The following ADGRL2 variants were observed in gnomAD, a reference collection of about 807,000 sequenced individuals.
The protein encoded by ADGRL2 is adhesion G protein-coupled receptor L2, also known as calcium-independent alpha-latrotoxin receptor 2.
In ADGRL2, 44 loss-of-function variants were observed where a neutral mutation model predicts 157.4. That is an observed-to-expected ratio of 0.28 (90% CI 0.22 to 0.36). The LOEUF (loss-of-function observed/expected upper bound fraction) is 0.36, where lower values mean the gene tolerates loss of function less well. Among genes scored for constraint, ADGRL2 ranks in the 10% least tolerant of loss-of-function variants. The pLI, the probability that ADGRL2 is intolerant of heterozygous loss-of-function variation, is 1.00. For missense variants in ADGRL2, 1,510 were observed against 1,768.9 expected (o/e 0.85, Z 2.63); for synonymous variants, 585 against 624.7 (o/e 0.94, Z 0.95).
At chr1:81,755,024 T>G (rs1471820151) in intron 1 of ADGRL2, among the ~76,000 whole-genome samples, 1 of 151,606 alleles carries the variant, frequency 6.6e-6, no homozygotes, top group African/African-American at 2.4e-5. Flanking sequence ...ATTTGTGACT[T>G]CTTAGAACAC....
chr1:81,597,751 A>G (rs565431485), intron 3 of ADGRL2, among the ~76,000 whole-genome samples: 6 of 152,240 alleles, frequency 3.9e-5, no homozygotes, highest in Admixed American at 2.6e-4. Flanking sequence ...CCCCCAATAA[A>G]CCCATCAAAA....
chr1:81,848,272 C>T (rs1410672954), intron 2 of ADGRL2, among the ~76,000 whole-genome samples: 1 of 151,826 alleles, frequency 6.6e-6, no homozygotes, highest in African/African-American at 2.4e-5. Flanking sequence ...AAAATAGAGA[C>T]TCCTATATAG....
intron 2 of ADGRL2, among the ~76,000 whole-genome samples, chr1:81,555,942 A>G (rs543693198): frequency 4.6e-4 from 70 of 152,178 alleles, no homozygotes; most frequent in Non-Finnish European, 9.3e-4. Context: ...AAACTGATTC[A>G]TTACTGCAGA....
intron 3 of ADGRL2, among the ~76,000 whole-genome samples, chr1:81,640,860 A>T (rs1049478329): frequency 6.6e-6 from 1 of 152,160 alleles, no homozygotes; most frequent in Non-Finnish European, 1.5e-5. Context: ...TCTCCAATTG[A>T]CATGAAAATA....
intron 2 of ADGRL2, among the ~76,000 whole-genome samples, chr1:81,572,204 T>C (rs1243404215): frequency 6.6e-6 from 1 of 152,246 alleles, no homozygotes. Context: ...TTCTCACTTT[T>C]ACTGCAGTTG....
intron 2 of ADGRL2, among the ~76,000 whole-genome samples, chr1:81,784,950 A>G (rs2086970407): frequency 6.6e-6 from 1 of 152,296 alleles, no homozygotes; most frequent in Non-Finnish European, 1.5e-5. Context: ...AAGGGAGAGA[A>G]GACAAAATTT....
At chr1:81,393,596 G>A (rs1443311281) in intron 1 of ADGRL2, among the ~76,000 whole-genome samples, 1 of 152,054 alleles carries the variant, frequency 6.6e-6, no homozygotes, top group African/African-American at 2.4e-5. Flanking sequence ...TAATTTAGCA[G>A]CAGGGAAGGA....
chr1:81,919,659 C>T (rs1328139828), intron 3 of ADGRL2, among the ~76,000 whole-genome samples: 6 of 151,586 alleles, frequency 4.0e-5, no homozygotes, highest in Non-Finnish European at 8.8e-5. Context: ...TTTTTTCATA[C>T]ATTTGATTAT....
At chr1:81,724,308 T>C (rs1380431210) in intron 1 of ADGRL2, among the ~76,000 whole-genome samples, 1 of 152,196 alleles carries the variant, frequency 6.6e-6, no homozygotes, top group Non-Finnish European at 1.5e-5. Flanking sequence ...AGAAAATACC[T>C]ATTGGAATTA....
rs568077421 is a variant in ADGRL2, at chr1:81,815,186, G to A, written c.-101+14118G>A. 9.0e-4 allele frequency among the ~76,000 whole-genome samples: 137 copies of A among 151,812 alleles called. 1 individual carries two copies. The highest frequency in any genetic ancestry group is 6.8e-3 in the Middle Eastern group (2 of 292). ...TTTAGAAAATTTATTAATTTTTAGT[G>A]CTCTTTAAATCAGATTGTTGGTTTA... On this transcript the variant is annotated intron_variant, in intron 1 of 23. Coordinates refer to ENST00000686636, the MANE Select transcript of ADGRL2 (RefSeq NM_001366006.2).
In ADGRL2 at chr1:81,641,319, T is replaced by C. The variant is rs553958976; in HGVS notation, c.-143+60339T>C. Among the ~76,000 whole-genome samples the C allele has an allele frequency of 3.7e-4, 56 of 152,250 alleles. No individual in the cohort carries two copies. The Middle Eastern group carries it at 0.01, about 28-fold the overall frequency. ...ATACTGTACAGTGCCATCAATCAACTAAATATAATCAACATCCATAAGCTA... is the reference window on the plus strand; with the variant it reads ...ATACTGTACAGTGCCATCAATCAACCAAATATAATCAACATCCATAAGCTA... On this transcript the variant is annotated intron_variant, in intron 3 of 24. Transcript: ENST00000370721.
chr1:81,831,305 A>C (rs751218693), intron 1 of ADGRL2, among the ~76,000 whole-genome samples: 22 of 152,214 alleles, frequency 1.4e-4, no homozygotes, highest in Non-Finnish European at 2.9e-4. Flanking sequence ...AAATGAGTAA[A>C]TTAGGATAGC....
intron 1 of ADGRL2, among the ~76,000 whole-genome samples, chr1:81,710,431 C>T (rs1197587411): frequency 6.6e-6 from 1 of 151,674 alleles, no homozygotes; most frequent in Non-Finnish European, 1.5e-5. Flanking sequence ...CCAGCCTGGC[C>T]AACATGGTGA....
intron 2 of ADGRL2, among the ~76,000 whole-genome samples, chr1:81,541,051 T>C (rs1355533348): frequency 1.3e-5 from 2 of 152,188 alleles, no homozygotes; most frequent in East Asian, 3.9e-4. Flanking sequence ...AGGTGAATGA[T>C]ATATTGCCCC....
chr1:81,722,035 G>C (rs777635598), intron 1 of ADGRL2: 1 of 429,490 alleles, frequency 2.3e-6, no homozygotes, highest in Non-Finnish European at 4.4e-6. Flanking sequence ...ACTCACGCCT[G>C]TTATCGCAGC....
chr1:81,525,959 C>T (rs537384323), intron 2 of ADGRL2, among the ~76,000 whole-genome samples: 6 of 152,182 alleles, frequency 3.9e-5, no homozygotes, highest in Non-Finnish European at 7.4e-5. Flanking sequence ...GTGAGTTGAA[C>T]GCTAATAACT....
At chr1:81,536,024 A>G (rs539989890) in intron 2 of ADGRL2, among the ~76,000 whole-genome samples, 2 of 152,344 alleles carry the variant, frequency 1.3e-5, no homozygotes, top group South Asian at 4.1e-4. Context: ...AGATGTAAGC[A>G]CATGAATCTC....
At chr1:81,323,460 C>A (rs575400864) in intron 1 of ADGRL2, among the ~76,000 whole-genome samples, 28 of 145,048 alleles carry the variant, frequency 1.9e-4, no homozygotes, top group Admixed American at 1.6e-3. Context: ...ACTATGTTAC[C>A]CAGGCTGGTC....
intron 2 of ADGRL2, among the ~76,000 whole-genome samples, chr1:81,874,625 T>TGTCC (rs2093783745): frequency 2.1e-5 from 2 of 95,300 alleles, no homozygotes; most frequent in African/African-American, 8.1e-5. Flanking sequence ...TTGTCTTGTC[T>TGTCC]TGTCTTGTCT....
Sources: allele counts gnomAD v4.1 joint callset (sites outside exome capture counted in the v4.1 genomes callset), GRCh38; gene constraint gnomAD v4.1.1; transcripts MANE v1.5; gene names NCBI Gene and HGNC (gene_info 2026-07-23, HGNC 2026-07-21).